BACH2: variants seen among roughly 807,000 people sequenced by gnomAD.
The protein encoded by BACH2 is transcription regulator protein BACH2.
Under a neutral mutation model 61.8 loss-of-function variants are expected in BACH2, and 5 were observed. The observed-to-expected ratio is 0.08, with a 90% CI of 0.04 to 0.17. BACH2 has a LOEUF of 0.17. BACH2 is among the 10% of genes least tolerant of loss of function. BACH2 has a pLI of 1.00. For missense variants in BACH2, 824 were observed against 1,091.1 expected, an observed-to-expected ratio of 0.76 and a Z score of 3.45; for synonymous variants, 446 against 440.1, an observed-to-expected ratio of 1.01 and a Z score of -0.17.
chr6:90,119,065 A>T lies in BACH2; in HGVS notation c.-161-29956T>A, dbSNP rs563377631. Among the ~76,000 whole-genome samples, 7 of 152,324 alleles carry T rather than the reference A, an allele frequency of 4.6e-5. 1 individual carries two copies. In the South Asian group the frequency reaches 1.5e-3, roughly 32 times the overall value. ...ATTTTACCTAAATTAAATATATGTT[A>T]TCATCCACCTTCCTTTGCACAAACA... is the stretch of plus-strand genomic sequence containing the variant. On this transcript the variant is annotated intron_variant, in intron 4 of 8. Coordinates refer to ENST00000257749, the MANE Select transcript of BACH2 (RefSeq NM_021813.4).
intron 4 of BACH2, among the ~76,000 whole-genome samples, chr6:90,181,159 C>T (rs1357532555): frequency 6.6e-6 from 1 of 152,184 alleles, no homozygotes; most frequent in Non-Finnish European, 1.5e-5. Context: ...TCCCTTTTCA[C>T]TATATGTACA....
In BACH2 at chr6:89,928,687, G is replaced by A. The variant is rs1237180888; in HGVS notation, c.*3721C>T. ...AAAAGCAATGTAAGGATTACATCCC[G>A]AATTATAGTGCATCTTAAAAGCAGC... On this transcript the variant is annotated 3_prime_UTR_variant, in exon 9 of 9. Coordinates refer to ENST00000257749, the MANE Select transcript of BACH2 (RefSeq NM_021813.4). 9.8e-5 allele frequency: 15 copies of A among 152,554 alleles called. No homozygotes were observed. Among genetic ancestry groups the A allele is most frequent in the Admixed American group, 4.6e-4 (7 of 15,270 alleles). 9.5% of individuals were successfully genotyped at this position (152,554 alleles called of 1,614,324 possible). A position where few individuals can be genotyped will look rare whatever the true frequency, so the allele number is the denominator to read the frequency against.
chr6:90,044,952 TAG>T (rs1177893967), intron 5 of BACH2, among the ~76,000 whole-genome samples: 1 of 152,164 alleles, frequency 6.6e-6, no homozygotes, highest in Non-Finnish European at 1.5e-5. Context: ...AGCCTGATTC[TAG>T]AGAGATAAAT....
chr6:90,211,481 C>G (rs936245708), intron 3 of BACH2, among the ~76,000 whole-genome samples: 1 of 152,064 alleles, frequency 6.6e-6, no homozygotes, highest in African/African-American at 2.4e-5. Flanking sequence ...TGGAGAGAAG[C>G]CTATTTTACC....
At chr6:90,099,926 C>T (rs1782544029) in intron 4 of BACH2, among the ~76,000 whole-genome samples, 1 of 152,094 alleles carries the variant, frequency 6.6e-6, no homozygotes, top group Non-Finnish European at 1.5e-5. Context: ...ATAGTAGTTA[C>T]TCTTCATTTC....
chr6:90,021,069 T>A (rs2127784895), intron 5 of BACH2, among the ~76,000 whole-genome samples: 1 of 152,218 alleles, frequency 6.6e-6, no homozygotes, highest in South Asian at 2.1e-4. Flanking sequence ...TATACCCCAA[T>A]CATCTCATCA....
chr6:89,956,851 A>C (rs1461694945), intron 6 of BACH2, among the ~76,000 whole-genome samples: 1 of 152,204 alleles, frequency 6.6e-6, no homozygotes, highest in African/African-American at 2.4e-5. Flanking sequence ...CAGTATATAC[A>C]CATGGCTGTA....
At chr6:90,051,111 C>A (rs1401975252) in intron 5 of BACH2, among the ~76,000 whole-genome samples, 1 of 152,056 alleles carries the variant, frequency 6.6e-6, no homozygotes, top group Non-Finnish European at 1.5e-5. Context: ...ATTTTGAGAA[C>A]AATTGACCTG....
intron 5 of BACH2, among the ~76,000 whole-genome samples, chr6:90,057,964 G>C (rs906811086): frequency 6.6e-6 from 1 of 152,156 alleles, no homozygotes; most frequent in South Asian, 2.1e-4. Context: ...GGATTGATGG[G>C]ACGTATCTCA....
chr6:90,034,622 A>G (rs534657042), intron 5 of BACH2, among the ~76,000 whole-genome samples: 2 of 152,328 alleles, frequency 1.3e-5, no homozygotes, highest in African/African-American at 2.4e-5. Flanking sequence ...AAGTATCAGG[A>G]AAGATAATTA....
At chr6:89,963,463 T>C (rs916117640) in intron 6 of BACH2, among the ~76,000 whole-genome samples, 7 of 152,080 alleles carry the variant, frequency 4.6e-5, no homozygotes, top group African/African-American at 1.7e-4. Flanking sequence ...CCGGTTAATT[T>C]CTTATTTTTG....
intron 3 of BACH2, among the ~76,000 whole-genome samples, chr6:90,216,597 C>T (rs988154307): frequency 1.3e-5 from 2 of 152,210 alleles, no homozygotes; most frequent in Non-Finnish European, 2.9e-5. Context: ...AGTACTCTTG[C>T]CTGCACCTTC....
At chr6:90,203,529 G>A (rs1459886760) in intron 4 of BACH2, among the ~76,000 whole-genome samples, 2 of 152,096 alleles carry the variant, frequency 1.3e-5, no homozygotes, top group Non-Finnish European at 2.9e-5. Context: ...GTCTGCATGA[G>A]GGTTTGGGAG....
rs9344998 is a variant in BACH2 at position 90,265,968 on chromosome 6, C to T, written c.-353+5881G>A. Among the ~76,000 whole-genome samples the T allele has an allele frequency of 5.3e-5, 8 of 152,198 alleles. No individual in the cohort carries two copies. In the East Asian group the frequency reaches 1.4e-3, roughly 26 times the overall value. On this transcript the variant is annotated intron_variant, in intron 2 of 8. Transcript: ENST00000257749. ...TGTAAGTATTAGTAATGCCATTTTA[C>T]CAGGGAGAAAACTGAGAGATACATA... is the stretch of plus-strand genomic sequence containing the variant.
At chr6:90,067,758 C>G (rs1339373661) in intron 5 of BACH2, among the ~76,000 whole-genome samples, 2 of 152,110 alleles carry the variant, frequency 1.3e-5, no homozygotes, top group African/African-American at 4.8e-5. Context: ...CGGCTGTGCA[C>G]AAGACATGGT....
At chr6:89,962,798 A>T (rs1774823392) in intron 6 of BACH2, among the ~76,000 whole-genome samples, 1 of 152,228 alleles carries the variant, frequency 6.6e-6, no homozygotes, top group African/African-American at 2.4e-5. Flanking sequence ...GCTTCATGTC[A>T]TTGGACTTGG....
At chr6:89,969,010 C>T (rs1248605072) in intron 6 of BACH2, among the ~76,000 whole-genome samples, 5 of 146,468 alleles carry the variant, frequency 3.4e-5, no homozygotes, top group East Asian at 2.0e-4. Context: ...GACTCTGTCT[C>T]GAAAAATAAT....
rs533470125 is a variant in BACH2, at chr6:90,296,632, C to T, written c.-598G>A. On this transcript the variant is annotated 5_prime_UTR_variant, in exon 1 of 9. Transcript: ENST00000257749. ...ATCACATGGCAGCTCGTTCCCAGCCCCCCGAGTGCGCCGGGAAGGGGGAGG... is the reference window on the plus strand; with the variant it reads ...ATCACATGGCAGCTCGTTCCCAGCCTCCCGAGTGCGCCGGGAAGGGGGAGG... 6.6e-6 allele frequency: 1 copy of T among 152,530 alleles called. No individual in the cohort carries two copies. Among genetic ancestry groups the T allele is most frequent in the African/African-American group, 2.4e-5 (1 of 41,350 alleles). 9.4% of individuals were successfully genotyped at this position (152,530 alleles called of 1,614,324 possible).
chr6:90,265,227 G>C (rs1771285148), intron 2 of BACH2, among the ~76,000 whole-genome samples: 1 of 152,196 alleles, frequency 6.6e-6, no homozygotes. Flanking sequence ...AGCTGAGAGA[G>C]AGCATGGTGG....
Sources: gnomAD v4.1 joint callset for allele counts (sites outside exome capture counted in the v4.1 genomes callset) on GRCh38, gnomAD v4.1.1 for gene constraint, MANE v1.5 for transcripts, NCBI Gene and HGNC (gene_info 2026-07-23, HGNC 2026-07-21) for gene names.